Variants in TEX2 observed in about 807,000 individuals in gnomAD.
TEX2 encodes testis-expressed protein 2.
In TEX2, 53 loss-of-function variants were observed where a neutral mutation model predicts 106.9. The ratio of observed to expected loss-of-function variants is 0.50; its 90% CI spans 0.40 to 0.62. TEX2 has a LOEUF of 0.62. Ranked by LOEUF, TEX2 falls within the 20% of genes least tolerant of loss-of-function variation. The pLI is 0.00. For missense variants in TEX2, 1,207 were observed against 1,379.0 expected (o/e 0.88, Z 1.98); for synonymous variants, 523 against 534.8 (o/e 0.98, Z 0.30).
intron 1 of TEX2, among the ~76,000 whole-genome samples, chr17:64,224,013 A>G (rs1206074943): frequency 6.6e-6 from 1 of 152,186 alleles, no homozygotes; most frequent in Non-Finnish European, 1.5e-5. Flanking sequence ...CTAATCCTTC[A>G]AGGTCATTAT....
intron 1 of TEX2, among the ~76,000 whole-genome samples, chr17:64,243,765 A>G (rs2033935048): frequency 6.6e-6 from 1 of 151,576 alleles, no homozygotes; most frequent in East Asian, 1.9e-4. Flanking sequence ...TAGTGTTCAG[A>G]GTCCTAAATG....
chr17:64,260,799 G>C (rs545663467), intron 1 of TEX2, among the ~76,000 whole-genome samples: 1 of 152,260 alleles, frequency 6.6e-6, no homozygotes, highest in East Asian at 1.9e-4. Flanking sequence ...GGATCAGACA[G>C]AAGAAAGCAG....
chr17:64,164,733 C>A (rs1009200188), intron 7 of TEX2, among the ~76,000 whole-genome samples: 1 of 152,190 alleles, frequency 6.6e-6, no homozygotes, highest in Non-Finnish European at 1.5e-5. Context: ...TGGCCTAGGC[C>A]AGCTGCTGCA....
chr17:64,201,757 C>T (rs979083895), intron 2 of TEX2, among the ~76,000 whole-genome samples: 6 of 152,188 alleles, frequency 3.9e-5, no homozygotes, highest in African/African-American at 1.4e-4. Flanking sequence ...TGGTACTCTC[C>T]CATCACTGTA....
chr17:64,182,226 C>CA, intron 5 of TEX2, among the ~76,000 whole-genome samples: 1 of 152,102 alleles, frequency 6.6e-6, no homozygotes, highest in Middle Eastern at 3.4e-3. Flanking sequence ...AAGTCAGTCA[C>CA]AAAAAGACAA....
rs1567951454 is a variant in TEX2 at position 64,219,510 on chromosome 17, A to ACATAACATAACATAAC, written c.-25-5269_-25-5268insGTTATGTTATGTTATG. On this transcript the variant is annotated intron_variant, in intron 1 of 11. Coordinates refer to ENST00000584379, the MANE Select transcript of TEX2 (RefSeq NM_001288732.2). ...AACAGAGTGAGACTCCATCTCATCAAATAAAATAAAATAAAATAAAATAAA... is the reference window on the plus strand; with the variant it reads ...AACAGAGTGAGACTCCATCTCATCAACATAACATAACATAACATAAAATAAAATAAAATAAAATAAA... Among the ~76,000 whole-genome samples the ACATAACATAACATAAC allele has an allele frequency of 3.4e-4, 34 of 99,276 alleles. 1 individual carries two copies. Among genetic ancestry groups the ACATAACATAACATAAC allele is most frequent in the African/African-American group, 1.2e-3 (32 of 26,910 alleles). The allele number at this position is 99,276 out of a possible 152,430, so 65.1% of individuals were successfully genotyped here. A position where few individuals can be genotyped will look rare whatever the true frequency, so the allele number is the denominator to read the frequency against.
chr17:64,201,975 A>C (rs1456303235), intron 2 of TEX2, among the ~76,000 whole-genome samples: 1 of 152,228 alleles, frequency 6.6e-6, no homozygotes, highest in Non-Finnish European at 1.5e-5. Context: ...TTATAAGTAC[A>C]GTGCTAGCTG....
chr17:64,221,915 C>T (rs539128059), intron 1 of TEX2, among the ~76,000 whole-genome samples: 119 of 152,194 alleles, frequency 7.8e-4, no homozygotes, highest in African/African-American at 2.8e-3. Context: ...TGACTAGTCA[C>T]ATAAAGACAA....
At position 64,179,616 on chromosome 17, in the gene TEX2, A is replaced by G. The variant is rs1003818732; in HGVS notation, c.2425-2145T>C. Among the ~76,000 whole-genome samples, 7 of 152,240 alleles carry G rather than the reference A, an allele frequency of 4.6e-5. No individual in the cohort carries two copies. In the South Asian group the frequency reaches 8.3e-4, roughly 18 times the overall value. On this transcript the variant is annotated intron_variant, in intron 5 of 11. Transcript: ENST00000584379. The stretch of plus-strand genomic sequence containing the variant: ...ACCCACCAGCAGGAACCAACTCCAC[A>G]TACATTGCCACAGCCTGTGCCCTCT...
intron 1 of TEX2, among the ~76,000 whole-genome samples, chr17:64,244,986 T>A (rs568457529): frequency 6.6e-6 from 1 of 152,254 alleles, no homozygotes; most frequent in East Asian, 1.9e-4. Context: ...CTTTCATACA[T>A]ATGGCAATTT....
At chr17:64,235,592 G>T (rs1426946677) in intron 1 of TEX2, among the ~76,000 whole-genome samples, 1 of 152,124 alleles carries the variant, frequency 6.6e-6, no homozygotes, top group Non-Finnish European at 1.5e-5. Flanking sequence ...ATTGTGATAG[G>T]CCCCTCAAAA....
At chr17:64,223,595 G>A (rs1887688048) in intron 1 of TEX2, among the ~76,000 whole-genome samples, 1 of 151,592 alleles carries the variant, frequency 6.6e-6, no homozygotes, top group African/African-American at 2.4e-5. Context: ...CTAGATTAGA[G>A]GAAATACTGG....
intron 1 of TEX2, among the ~76,000 whole-genome samples, chr17:64,239,707 C>T (rs1394976790): frequency 6.6e-6 from 1 of 151,680 alleles, no homozygotes; most frequent in Non-Finnish European, 1.5e-5. Context: ...GAAACCCCGT[C>T]TCTACTAAAA....
intron 1 of TEX2, among the ~76,000 whole-genome samples, chr17:64,258,776 T>G (rs2034233313): frequency 6.6e-6 from 1 of 152,020 alleles, no homozygotes. Flanking sequence ...TTTTTTTTTT[T>G]TTAAACAGAG....
intron 5 of TEX2, among the ~76,000 whole-genome samples, chr17:64,183,690 A>T (rs542493625): frequency 6.6e-6 from 1 of 152,330 alleles, no homozygotes; most frequent in East Asian, 1.9e-4. Context: ...GGCCTCCCAA[A>T]GTGTTAGGAT....
chr17:64,223,169 G>C (rs909863360), intron 1 of TEX2, among the ~76,000 whole-genome samples: 8 of 152,142 alleles, frequency 5.3e-5, no homozygotes, highest in African/African-American at 1.9e-4. Flanking sequence ...TGGAGTCAGA[G>C]TGAGCGTATC....
chr17:64,258,160 C>T (rs1286682690), intron 1 of TEX2, among the ~76,000 whole-genome samples: 2 of 152,192 alleles, frequency 1.3e-5, no homozygotes, highest in Non-Finnish European at 2.9e-5. Flanking sequence ...AATCTGCCCA[C>T]CTCAGCCTCC....
rs116195058 is a variant in TEX2, at chr17:64,223,041, C to G, written c.-25-8799G>C. ...GAGAAAGCCTCTAATAAGGGCTTCT[C>G]TCTCCAGAATTTATGTAGGATTCTG... On this transcript the variant is annotated intron_variant, in intron 1 of 11. Coordinates refer to ENST00000584379, the MANE Select transcript of TEX2 (RefSeq NM_001288732.2). Among the ~76,000 whole-genome samples, 261 of 152,278 alleles carry G rather than the reference C, an allele frequency of 1.7e-3. 1 individual carries two copies. The highest frequency in any genetic ancestry group is 5.9e-3 in the African/African-American group (247 of 41,540).
At chr17:64,223,411 T>A (rs1267486804) in intron 1 of TEX2, among the ~76,000 whole-genome samples, 7 of 139,380 alleles carry the variant, frequency 5.0e-5, no homozygotes, top group African/African-American at 1.8e-4. Flanking sequence ...TACTAATAAC[T>A]GCCCTTCCTA....
Sources: allele counts gnomAD v4.1 joint callset (sites outside exome capture counted in the v4.1 genomes callset), GRCh38; gene constraint gnomAD v4.1.1; transcripts MANE v1.5; gene names NCBI Gene and HGNC (gene_info 2026-07-23, HGNC 2026-07-21).